DIAPH3: variants seen among roughly 807,000 people sequenced by gnomAD.
DIAPH3 encodes the protein diaphanous related formin 3.
DIAPH3 carries 117 observed loss-of-function variants against 144.3 expected under a neutral mutation model. The observed-to-expected ratio is 0.81, with a 90% CI of 0.70 to 0.95. The LOEUF is 0.95. Among genes scored for constraint, DIAPH3 ranks in the 40% least tolerant of loss-of-function variants. The pLI is 0.00. For missense variants in DIAPH3, 1,421 were observed against 1,412.7 expected (o/e 1.01, Z -0.09); for synonymous variants, 519 against 488.9 (o/e 1.06, Z -0.81).
rs2040201721 is a variant in DIAPH3, at chr13:59,806,538, A to T, written c.3163+4250T>A. On this transcript the variant is annotated intron_variant, in intron 25 of 27. Transcript: ENST00000400324. Reference sequence around the variant, plus strand: ...AGTCTCCTTAGTTCTCTGAGACCAAATTTTGTTACTACCACCAGCCTAAGC... The same window carrying T: ...AGTCTCCTTAGTTCTCTGAGACCAATTTTTGTTACTACCACCAGCCTAAGC... Among the ~76,000 whole-genome samples the T allele has an allele frequency of 1.3e-5, 2 of 151,952 alleles. 1 individual carries two copies. Among genetic ancestry groups the T allele is most frequent in the Non-Finnish European group, 2.9e-5 (2 of 67,844 alleles).
At chr13:59,937,874 G>A (rs538042617) in intron 17 of DIAPH3, among the ~76,000 whole-genome samples, 51 of 152,220 alleles carry the variant, frequency 3.4e-4, no homozygotes, top group Middle Eastern at 6.8e-3. Context: ...TGGAGTGTGG[G>A]TGTGCCAGGG....
chr13:59,773,527 C>T (rs2038228997), intron 27 of DIAPH3, among the ~76,000 whole-genome samples: 1 of 152,036 alleles, frequency 6.6e-6, no homozygotes, highest in South Asian at 2.1e-4. Flanking sequence ...TAGGCAGAAC[C>T]CAAGGACATA....
intron 25 of DIAPH3, among the ~76,000 whole-genome samples, chr13:59,782,289 A>C (rs1250360510): frequency 6.6e-6 from 1 of 152,212 alleles, no homozygotes; most frequent in African/African-American, 2.4e-5. Flanking sequence ...GGGGTAATCC[A>C]CACAAGGTGG....
At chr13:59,919,052 G>A (rs2047384010) in intron 18 of DIAPH3, among the ~76,000 whole-genome samples, 1 of 150,558 alleles carries the variant, frequency 6.6e-6, no homozygotes, top group African/African-American at 2.4e-5. Context: ...TCAGTAGAGA[G>A]CATCAACTGT....
intron 2 of DIAPH3, among the ~76,000 whole-genome samples, chr13:60,123,569 T>C (rs1311514837): frequency 6.6e-6 from 1 of 152,186 alleles, no homozygotes; most frequent in African/African-American, 2.4e-5. Flanking sequence ...CCTAATTAAC[T>C]CATTAATGGG....
At chr13:59,810,113 T>A (rs1034431414) in intron 25 of DIAPH3, among the ~76,000 whole-genome samples, 1 of 152,130 alleles carries the variant, frequency 6.6e-6, no homozygotes, top group Non-Finnish European at 1.5e-5. Flanking sequence ...AATTTTGTCA[T>A]GTTTACAAGA....
chr13:59,905,039 T>C (rs1593917195), intron 20 of DIAPH3, among the ~76,000 whole-genome samples: 1 of 151,940 alleles, frequency 6.6e-6, no homozygotes, highest in South Asian at 2.1e-4. Flanking sequence ...CTCACTTATA[T>C]TATTCATAAA....
chr13:59,737,984 T>C (rs971912095), intron 27 of DIAPH3, among the ~76,000 whole-genome samples: 3 of 152,024 alleles, frequency 2.0e-5, no homozygotes, highest in African/African-American at 4.8e-5. Context: ...CTGGCCAAGA[T>C]GATGAAAATC....
At chr13:59,729,484 G>A (rs2035773414) in intron 27 of DIAPH3, among the ~76,000 whole-genome samples, 1 of 152,030 alleles carries the variant, frequency 6.6e-6, no homozygotes, top group Admixed American at 6.6e-5. Context: ...GAGGAGGTGG[G>A]GGTGGAGCAT....
intron 24 of DIAPH3, among the ~76,000 whole-genome samples, chr13:59,819,927 T>C (rs955888657): frequency 6.6e-5 from 10 of 151,928 alleles, no homozygotes; most frequent in African/African-American, 1.7e-4. Flanking sequence ...GACAAAATAG[T>C]GCCTGCAATA....
At chr13:59,789,591 T>C (rs1316772305) in intron 25 of DIAPH3, among the ~76,000 whole-genome samples, 1 of 152,120 alleles carries the variant, frequency 6.6e-6, no homozygotes, top group African/African-American at 2.4e-5. Flanking sequence ...GAATTTTCTT[T>C]CAGGAGAAGC....
chr13:59,941,191 C>T (rs2048512710), intron 17 of DIAPH3, among the ~76,000 whole-genome samples: 1 of 152,130 alleles, frequency 6.6e-6, no homozygotes, highest in Non-Finnish European at 1.5e-5. Context: ...AAAATTAATG[C>T]AGTCACAAAA....
chr13:60,081,384 A>G lies in DIAPH3; in HGVS notation c.495+12244T>C, dbSNP rs150695018. Among the ~76,000 whole-genome samples the G allele has an allele frequency of 3.9e-3, 598 of 152,172 alleles. 5 individuals are homozygous for G. The highest frequency in any genetic ancestry group is 0.014 in the African/African-American group (581 of 41,528). On this transcript the variant is annotated intron_variant, in intron 4 of 27. Coordinates refer to ENST00000400324, the MANE Select transcript of DIAPH3 (RefSeq NM_001042517.2). ...GCTAACAGCTAAAAGTTACATAGAA[A>G]AATGTCATTATTTTCTACCCTAATA...
intron 17 of DIAPH3, among the ~76,000 whole-genome samples, chr13:59,963,620 A>C (rs1379309214): frequency 6.7e-6 from 1 of 149,074 alleles, no homozygotes; most frequent in African/African-American, 2.5e-5. Flanking sequence ...TAGCCAGGCA[A>C]ACAGTGTATG....
chr13:59,789,957 T>C (rs1164393043), intron 25 of DIAPH3, among the ~76,000 whole-genome samples: 3 of 152,182 alleles, frequency 2.0e-5, no homozygotes, highest in African/African-American at 4.8e-5. Flanking sequence ...TTTAGATGAA[T>C]TGATTTTGAG....
intron 24 of DIAPH3, among the ~76,000 whole-genome samples, chr13:59,818,034 G>C (rs531172247): frequency 8.6e-4 from 131 of 151,642 alleles, no homozygotes; most frequent in Non-Finnish European, 1.4e-3. Context: ...ACAACCTTTA[G>C]AGCAGAGGCT....
At chr13:59,980,517 A>G (rs983901366) in intron 14 of DIAPH3, among the ~76,000 whole-genome samples, 6 of 151,652 alleles carry the variant, frequency 4.0e-5, no homozygotes, top group Admixed American at 2.6e-4. Context: ...GGTGAAATAG[A>G]TAAGTCATTC....
chr13:59,833,358 T>C (rs965354240), intron 23 of DIAPH3, 87 bp from the exon 24 acceptor site: 2 of 991,554 alleles, frequency 2.0e-6, no homozygotes, highest in Non-Finnish European at 3.0e-6. Flanking sequence ...TTTAGTCTAA[T>C]AGCCACCATT....
intron 10 of DIAPH3, 29 bp from the exon 11 acceptor site, chr13:59,992,215 A>T: frequency 6.5e-7 from 1 of 1,543,910 alleles, no homozygotes; most frequent in Non-Finnish European, 8.9e-7. Flanking sequence ...AATTATGATG[A>T]ATGATTTTGT....
Sources: gnomAD v4.1 joint callset for allele counts (sites outside exome capture counted in the v4.1 genomes callset) on GRCh38, gnomAD v4.1.1 for gene constraint, MANE v1.5 for transcripts, NCBI Gene and HGNC (gene_info 2026-07-23, HGNC 2026-07-21) for gene names.